The following GPR158 variants were observed in gnomAD, a reference collection of about 807,000 sequenced individuals.
GPR158 encodes metabotropic glycine receptor.
A neutral mutation model predicts 78.2 loss-of-function variants in GPR158; 30 were observed. The observed-to-expected ratio is 0.38, with a 90% CI of 0.29 to 0.52. The LOEUF is 0.52. Ranked by LOEUF, GPR158 falls within the 20% of genes least tolerant of loss-of-function variation. The pLI, the probability that GPR158 is intolerant of heterozygous loss-of-function variation, is 0.83. For missense variants in GPR158, 1,463 were observed against 1,523.5 expected, an observed-to-expected ratio of 0.96 and a Z score of 0.66; for synonymous variants, 581 against 591.1, an observed-to-expected ratio of 0.98 and a Z score of 0.25.
At chr10:25,347,594 A>T (rs1421051030) in intron 2 of GPR158, among the ~76,000 whole-genome samples, 1 of 152,050 alleles carries the variant, frequency 6.6e-6, no homozygotes, top group Non-Finnish European at 1.5e-5. Context: ...GCTCAAAAAT[A>T]CTTGGTGTGT....
intron 2 of GPR158, among the ~76,000 whole-genome samples, chr10:25,226,222 A>C (rs1251355863): frequency 2.0e-5 from 3 of 152,208 alleles, no homozygotes; most frequent in Non-Finnish European, 4.4e-5. Flanking sequence ...AACAAAATCA[A>C]GAAAGGAAGT....
At chr10:25,321,892 A>C in intron 2 of GPR158, among the ~76,000 whole-genome samples, 1 of 152,244 alleles carries the variant, frequency 6.6e-6, no homozygotes, top group Middle Eastern at 3.4e-3. Flanking sequence ...TCATATTTTT[A>C]TTTTACTTGT....
intron 1 of GPR158, among the ~76,000 whole-genome samples, chr10:25,213,156 A>G (rs886142486): frequency 3.3e-5 from 5 of 151,896 alleles, no homozygotes. Context: ...TTTCTTTTTC[A>G]GTTTTTTTGG....
At chr10:25,471,164 T>A (rs966537833) in intron 5 of GPR158, among the ~76,000 whole-genome samples, 1 of 145,060 alleles carries the variant, frequency 6.9e-6, no homozygotes, top group African/African-American at 2.5e-5. Context: ...TGTGTCCAAC[T>A]GTTCTCATTG....
chr10:25,497,655 A>G (rs1442538722), intron 5 of GPR158, among the ~76,000 whole-genome samples: 1 of 152,214 alleles, frequency 6.6e-6, no homozygotes, highest in African/African-American at 2.4e-5. Flanking sequence ...TTCATGAGCT[A>G]TTAAGCAAAT....
chr10:25,317,717 T>TTTTG lies in GPR158; in HGVS notation c.1009-78191_1009-78190insGTTT, dbSNP rs1491498085. On this transcript the variant is annotated intron_variant, in intron 2 of 10. Coordinates refer to ENST00000376351, the MANE Select transcript of GPR158 (RefSeq NM_020752.3). ...TAAATTCTGTTTTCTTCGTAAAGTGTTTTTTTTTGTTTTGTTTTGTTTTGT... is the reference window on the plus strand; with the variant it reads ...TAAATTCTGTTTTCTTCGTAAAGTGTTTTGTTTTTTTTGTTTTGTTTTGTTTTGT... Among the ~76,000 whole-genome samples, 409 of 115,380 alleles carry TTTTG rather than the reference T, an allele frequency of 3.5e-3. 21 individuals are homozygous for TTTTG. Among genetic ancestry groups the TTTTG allele is most frequent in the African/African-American group, 0.016 (376 of 23,830 alleles). 75.7% of individuals were successfully genotyped at this position (115,380 alleles called of 152,430 possible).
At chr10:25,215,272 A>G (rs1853193036) in intron 1 of GPR158, among the ~76,000 whole-genome samples, 1 of 152,206 alleles carries the variant, frequency 6.6e-6, no homozygotes, top group Non-Finnish European at 1.5e-5. Context: ...ATGAAAAGAC[A>G]AATACTGTAT....
intron 2 of GPR158, among the ~76,000 whole-genome samples, chr10:25,269,151 C>T (rs915027): frequency 0.18 from 27,099 of 152,094 alleles, 3,619 homozygotes; most frequent in African/African-American, 0.36. Flanking sequence ...GAATTTCTGA[C>T]AATAAATCGT....
intron 5 of GPR158, among the ~76,000 whole-genome samples, chr10:25,493,638 C>T (rs1202147091): frequency 6.6e-6 from 1 of 152,204 alleles, no homozygotes; most frequent in African/African-American, 2.4e-5. Flanking sequence ...CTTACACTAT[C>T]TGATTCAGGC....
At chr10:25,343,377 C>T (rs1855330915) in intron 2 of GPR158, among the ~76,000 whole-genome samples, 1 of 151,924 alleles carries the variant, frequency 6.6e-6, no homozygotes, top group Admixed American at 6.6e-5. Context: ...AGATCTGTGT[C>T]ACTATATCTC....
At chr10:25,402,002 ATTACTAT>A (rs1361832208) in intron 3 of GPR158, among the ~76,000 whole-genome samples, 5 of 152,136 alleles carry the variant, frequency 3.3e-5, no homozygotes, top group Non-Finnish European at 7.4e-5. Flanking sequence ...CTCTCCACAA[ATTACTAT>A]TTACAAAGAA....
intron 2 of GPR158, among the ~76,000 whole-genome samples, chr10:25,298,149 A>G (rs1030916451): frequency 1.3e-5 from 2 of 152,188 alleles, no homozygotes; most frequent in African/African-American, 2.4e-5. Flanking sequence ...CCACTTTGAG[A>G]TGTTCCTATA....
intron 3 of GPR158, among the ~76,000 whole-genome samples, chr10:25,403,168 C>T (rs1331467743): frequency 6.6e-6 from 1 of 151,654 alleles, no homozygotes; most frequent in Non-Finnish European, 1.5e-5. Context: ...TTTGCTTAAC[C>T]ATTCTAAGGT....
At chr10:25,424,691 T>A (rs11014542) in intron 4 of GPR158, among the ~76,000 whole-genome samples, 21,882 of 151,614 alleles carry the variant, frequency 0.14, 1,766 homozygotes, top group African/African-American at 0.2. Flanking sequence ...ATCAGATGGT[T>A]GTAGATATGT....
At chr10:25,328,927 CAAAAAA>C (rs3054026) in intron 2 of GPR158, among the ~76,000 whole-genome samples, 488 of 89,068 alleles carry the variant, frequency 5.5e-3, no homozygotes, top group Non-Finnish European at 7.2e-3. Flanking sequence ...AACTTCATCA[CAAAAAA>C]AAAAAAAAAA....
At chr10:25,392,507 C>T (rs974492422) in intron 2 of GPR158, among the ~76,000 whole-genome samples, 9 of 152,172 alleles carry the variant, frequency 5.9e-5, no homozygotes, top group Admixed American at 1.3e-4. Context: ...CCAAGGATCC[C>T]GTAGCAATAA....
chr10:25,282,463 A>C (rs908228199), intron 2 of GPR158, among the ~76,000 whole-genome samples: 10 of 152,176 alleles, frequency 6.6e-5, no homozygotes, highest in Admixed American at 4.6e-4. Flanking sequence ...TTGTGTCAAC[A>C]TAAGTTTTTA....
At chr10:25,331,691 C>G (rs189675419) in intron 2 of GPR158, among the ~76,000 whole-genome samples, 101 of 152,312 alleles carry the variant, frequency 6.6e-4, no homozygotes, top group Middle Eastern at 3.4e-3. Context: ...TATCTGGCCT[C>G]TCTCACCCCA....
chr10:25,295,895 C>T (rs1854505161), intron 2 of GPR158, among the ~76,000 whole-genome samples: 1 of 152,090 alleles, frequency 6.6e-6, no homozygotes, highest in African/African-American at 2.4e-5. Flanking sequence ...AATATCAATT[C>T]TTCAAGGAGG....
Sources: gnomAD v4.1 joint callset for allele counts (sites outside exome capture counted in the v4.1 genomes callset) on GRCh38, gnomAD v4.1.1 for gene constraint, MANE v1.5 for transcripts, NCBI Gene and HGNC (gene_info 2026-07-23, HGNC 2026-07-21) for gene names.